The following GRID2 variants were observed in gnomAD, a reference collection of about 807,000 sequenced individuals.
The protein encoded by GRID2 is glutamate ionotropic receptor delta type subunit 2, also known as glutamate receptor ionotropic, delta-2.
A neutral mutation model predicts 114.8 loss-of-function variants in GRID2; 33 were observed. The observed-to-expected ratio is 0.29, with a 90% CI of 0.22 to 0.38. The LOEUF is 0.38. Among genes scored for constraint, GRID2 ranks in the 10% least tolerant of loss-of-function variants. The pLI, the probability that GRID2 is intolerant of heterozygous loss-of-function variation, is 1.00. For synonymous variants in GRID2, 505 were observed against 449.9 expected (o/e 1.12, Z -1.55); for missense variants, 1,184 against 1,257.7 (o/e 0.94, Z 0.89).
intron 1 of GRID2, among the ~76,000 whole-genome samples, chr4:92,570,691 AT>A (rs144750498): frequency 0.14 from 20,794 of 151,706 alleles, 2,291 homozygotes; most frequent in African/African-American, 0.31. Flanking sequence ...TCTCCTAGGT[AT>A]TTTATTCTTT....
chr4:92,767,779 G>A (rs1738338073), intron 2 of GRID2, among the ~76,000 whole-genome samples: 1 of 151,954 alleles, frequency 6.6e-6, no homozygotes. Context: ...CAGTATGCGT[G>A]CCTTTAGTTC....
intron 1 of GRID2, among the ~76,000 whole-genome samples, chr4:92,535,384 C>A (rs1399077848): frequency 6.6e-6 from 1 of 152,052 alleles, no homozygotes; most frequent in South Asian, 2.1e-4. Flanking sequence ...ATGATTAATG[C>A]AATCCTTAAA....
intron 1 of GRID2, among the ~76,000 whole-genome samples, chr4:92,305,304 A>G (rs1377799014): frequency 6.6e-6 from 1 of 152,092 alleles, no homozygotes; most frequent in Non-Finnish European, 1.5e-5. Flanking sequence ...CTCTTCTCAC[A>G]TCTTCTTGGC....
intron 2 of GRID2, among the ~76,000 whole-genome samples, chr4:92,668,494 A>G (rs115230294): frequency 0.013 from 1,963 of 151,870 alleles, 52 homozygotes; most frequent in African/African-American, 0.045. Context: ...TGAGGCATCT[A>G]TTAATGCTTC....
chr4:93,507,171 A>G (rs1485990177), intron 12 of GRID2, among the ~76,000 whole-genome samples: 1 of 152,160 alleles, frequency 6.6e-6, no homozygotes, highest in Non-Finnish European at 1.5e-5. Context: ...GCTCTTAATT[A>G]TGGACCAAGC....
chr4:92,994,822 C>T (rs17020058), intron 2 of GRID2, among the ~76,000 whole-genome samples: 2,712 of 152,226 alleles, frequency 0.018, 39 homozygotes, highest in East Asian at 0.051. Flanking sequence ...TGGATGCAAC[C>T]AAATCCTGTG....
At chr4:92,977,726 A>G (rs1432549690) in intron 2 of GRID2, among the ~76,000 whole-genome samples, 2 of 152,130 alleles carry the variant, frequency 1.3e-5, no homozygotes, top group African/African-American at 4.8e-5. Context: ...AAGTCAAGAT[A>G]TATGTTTGGA....
chr4:93,522,799 T>C (rs1207570519), intron 13 of GRID2, among the ~76,000 whole-genome samples: 1 of 152,116 alleles, frequency 6.6e-6, no homozygotes, highest in African/African-American at 2.4e-5. Context: ...AATACAGTTA[T>C]TGAAATTGAT....
intron 13 of GRID2, among the ~76,000 whole-genome samples, chr4:93,621,473 G>A (rs1462694716): frequency 1.3e-5 from 2 of 152,182 alleles, no homozygotes; most frequent in South Asian, 2.1e-4. Flanking sequence ...CTCTGCTGGT[G>A]TGGAATCCAT....
chr4:92,724,815 G>A (rs1056986333), intron 2 of GRID2, among the ~76,000 whole-genome samples: 1 of 151,992 alleles, frequency 6.6e-6, no homozygotes, highest in African/African-American at 2.4e-5. Flanking sequence ...TAAGTACCAT[G>A]GAAATACTAG....
At chr4:93,683,548 A>G (rs1407364014) in intron 14 of GRID2, among the ~76,000 whole-genome samples, 1 of 152,098 alleles carries the variant, frequency 6.6e-6, no homozygotes, top group Non-Finnish European at 1.5e-5. Context: ...TCGTAAAGTG[A>G]GGAGTTATTT....
intron 13 of GRID2, among the ~76,000 whole-genome samples, chr4:93,527,683 TTTTA>T (rs1433988368): frequency 5.9e-5 from 9 of 152,126 alleles, no homozygotes; most frequent in South Asian, 2.1e-4. Context: ...AAATTTTAAA[TTTTA>T]TTTATTTTTT....
intron 2 of GRID2, among the ~76,000 whole-genome samples, chr4:92,594,988 G>T (rs1728880549): frequency 6.6e-6 from 1 of 151,912 alleles, no homozygotes; most frequent in Non-Finnish European, 1.5e-5. Context: ...GTCAAAAGGT[G>T]AATGAAGTAT....
At chr4:92,366,986 C>A (rs1728901858) in intron 1 of GRID2, among the ~76,000 whole-genome samples, 1 of 151,656 alleles carries the variant, frequency 6.6e-6, no homozygotes, top group Admixed American at 6.6e-5. Flanking sequence ...TGTTGTCATA[C>A]CTCTATAGTC....
intron 2 of GRID2, among the ~76,000 whole-genome samples, chr4:92,849,482 T>G (rs1241374027): frequency 6.6e-6 from 1 of 151,892 alleles, no homozygotes; most frequent in African/African-American, 2.4e-5. Context: ...AGGCATGACT[T>G]GGCTAAAATA....
intron 3 of GRID2, among the ~76,000 whole-genome samples, chr4:93,093,117 C>T (rs965259066): frequency 1.3e-5 from 2 of 152,010 alleles, no homozygotes; most frequent in African/African-American, 4.8e-5. Context: ...GTAAAGTCTT[C>T]TAAAGGAAGA....
At chr4:92,509,149 C>T (rs1301176483) in intron 1 of GRID2, among the ~76,000 whole-genome samples, 1 of 151,560 alleles carries the variant, frequency 6.6e-6, no homozygotes, top group Non-Finnish European at 1.5e-5. Context: ...AAAGAGGAGT[C>T]AAGAATAATT....
intron 2 of GRID2, among the ~76,000 whole-genome samples, chr4:92,755,058 G>A (rs1737643128): frequency 6.6e-6 from 1 of 152,128 alleles, no homozygotes. Flanking sequence ...TGATGTGACA[G>A]GAGGCTGTGT....
At chr4:93,155,161 A>G (rs183771883) in intron 4 of GRID2, among the ~76,000 whole-genome samples, 14 of 152,032 alleles carry the variant, frequency 9.2e-5, no homozygotes, top group African/African-American at 2.6e-4. Context: ...TTGTATATTC[A>G]TGATCTCACC....
Sources: gnomAD v4.1 joint callset for allele counts (sites outside exome capture counted in the v4.1 genomes callset) on GRCh38, gnomAD v4.1.1 for gene constraint, MANE v1.5 for transcripts, NCBI Gene and HGNC (gene_info 2026-07-23, HGNC 2026-07-21) for gene names.